ADAM17: variants seen among roughly 807,000 people sequenced by gnomAD.
ADAM17 encodes the protein ADAM metallopeptidase domain 17, also known as disintegrin and metalloproteinase domain-containing protein 17.
Under a neutral mutation model 96.7 loss-of-function variants are expected in ADAM17, and 39 were observed. The observed-to-expected ratio is 0.40, with a 90% CI of 0.31 to 0.53. The LOEUF is 0.53. Among genes scored for constraint, ADAM17 ranks in the 20% least tolerant of loss-of-function variants. The probability of loss-of-function intolerance (pLI) is 0.44; values close to 1 mark genes in which losing one functional copy is unlikely to be tolerated. For synonymous variants in ADAM17, 344 were observed against 359.2 expected (o/e 0.96, Z 0.48); for missense variants, 777 against 1,013.2 (o/e 0.77, Z 3.17).
At position 9,555,821 on chromosome 2, in the gene ADAM17, G is replaced by C. The variant is rs1051182236; in HGVS notation, c.-216C>G. ...CCAAAGGCCGGCTCAGCCAGCTTCCGGCCGCCGCTGTCCCCCGCACCACCC... is the reference window on the plus strand; with the variant it reads ...CCAAAGGCCGGCTCAGCCAGCTTCCCGCCGCCGCTGTCCCCCGCACCACCC... On this transcript the variant is annotated 5_prime_UTR_variant, in exon 1 of 19. Transcript: ENST00000310823. The C allele has an allele frequency of 9.3e-6, 4 of 432,208 alleles. No homozygotes were observed. Among genetic ancestry groups the C allele is most frequent in the Non-Finnish European group, 1.6e-5 (4 of 245,064 alleles). The allele number at this position is 432,208 out of a possible 1,614,324, so 26.8% of individuals were successfully genotyped here.
Position 9,502,279 on chromosome 2 carries a change from G to T in ADAM17, c.1545-3C>A. The T allele has an allele frequency of 6.2e-7, 1 of 1,607,516 alleles. No homozygotes were observed. Among genetic ancestry groups the T allele is most frequent in the Non-Finnish European group, 8.5e-7 (1 of 1,174,632 alleles). On this transcript the variant is annotated splice_region_variant and splice_polypyrimidine_tract_variant and intron_variant, in intron 12 of 18. Coordinates refer to ENST00000310823, the MANE Select transcript of ADAM17 (RefSeq NM_003183.6). ...TACAGCAAGGACTGTTCCTGTCACT[G>T]GAGAAGAACAGCAGACAGGAACAGA...
At chr2:9,510,208 T>A in intron 10 of ADAM17, 77 bp from the exon 11 acceptor site, 2 of 1,479,412 alleles carry the variant, frequency 1.4e-6, no homozygotes. Flanking sequence ...GCCTATGCTG[T>A]CTTAAATAGA....
chr2:9,532,760 A>G (rs1444820396), intron 4 of ADAM17, among the ~76,000 whole-genome samples: 1 of 150,388 alleles, frequency 6.6e-6, no homozygotes, highest in Non-Finnish European at 1.5e-5. Context: ...AGTGCTGATT[A>G]CAAGTGTGAG....
chr2:9,499,503 G>A (rs1260430586), intron 13 of ADAM17, among the ~76,000 whole-genome samples: 1 of 151,948 alleles, frequency 6.6e-6, no homozygotes, highest in African/African-American at 2.4e-5. Context: ...CCGGGTTCAC[G>A]CCATTCTCCT....
At chr2:9,492,510 CAT>C (rs1410077517) in intron 17 of ADAM17, among the ~76,000 whole-genome samples, 1 of 152,152 alleles carries the variant, frequency 6.6e-6, no homozygotes, top group East Asian at 1.9e-4. Context: ...CAATAATCTA[CAT>C]GATATATGGG....
At chr2:9,538,950 T>C (rs1665094904) in intron 2 of ADAM17, among the ~76,000 whole-genome samples, 1 of 152,230 alleles carries the variant, frequency 6.6e-6, no homozygotes, top group South Asian at 2.1e-4. Flanking sequence ...ATCACTTTCA[T>C]TTCTTTATCA....
chr2:9,529,498 T>A (rs370724732), intron 4 of ADAM17, among the ~76,000 whole-genome samples: 104 of 152,082 alleles, frequency 6.8e-4, no homozygotes, highest in African/African-American at 2.5e-3. Context: ...TGTTATGTAA[T>A]TCCATTTATA....
intron 5 of ADAM17, chr2:9,527,490 T>C (rs928396450): frequency 5.2e-6 from 1 of 192,470 alleles, no homozygotes; most frequent in Non-Finnish European, 1.1e-5. Context: ...TTCCACCATA[T>C]TATTTTATCA....
Position 9,542,568 on chromosome 2 carries a change from A to G in ADAM17, c.230+585T>C, listed in dbSNP as rs1665249864. Among the ~76,000 whole-genome samples, 6 of 152,360 alleles carry G rather than the reference A, an allele frequency of 3.9e-5. No individual in the cohort carries two copies. The South Asian group carries it at 1.2e-3, about 32-fold the overall frequency. Reference sequence around the variant, plus strand: ...TGATGGTTATAAAGTAGCACCAAAAACAAAAGGTTTTATAAGCATTCAATT... The same window carrying G: ...TGATGGTTATAAAGTAGCACCAAAAGCAAAAGGTTTTATAAGCATTCAATT... On this transcript the variant is annotated intron_variant, in intron 2 of 18. Coordinates refer to ENST00000310823, the MANE Select transcript of ADAM17 (RefSeq NM_003183.6).
chr2:9,555,419 C>G (rs962346655), intron 1 of ADAM17, 90 bp downstream of exon 1: 42 of 1,138,188 alleles, frequency 3.7e-5, no homozygotes, highest in Non-Finnish European at 4.4e-5. Context: ...AATACCCCGC[C>G]CCCAAACACC....
intron 11 of ADAM17, among the ~76,000 whole-genome samples, chr2:9,506,056 G>A (rs1294838505): frequency 6.6e-6 from 1 of 152,128 alleles, no homozygotes; most frequent in Non-Finnish European, 1.5e-5. Flanking sequence ...TTTATCAGGA[G>A]CTCTAAAACT....
At position 9,491,423 on chromosome 2, in the gene ADAM17, T is replaced by C. The variant is rs1199110144; in HGVS notation, c.2083-272A>G. Among the ~76,000 whole-genome samples the C allele has an allele frequency of 4.6e-5, 7 of 152,350 alleles. No individual in the cohort carries two copies. The South Asian group carries it at 1.2e-3, about 27-fold the overall frequency. The stretch of plus-strand genomic sequence containing the variant: ...TAAGTGCTATGTTTTCTGAGAAATT[T>C]ATCCCTCTGTGGGCAGGGGAATAAT... On this transcript the variant is annotated intron_variant, in intron 17 of 18. Coordinates refer to ENST00000310823, the MANE Select transcript of ADAM17 (RefSeq NM_003183.6).
rs545409317 is a variant in ADAM17 at position 9,513,120 on chromosome 2, G to A, written c.1192-2989C>T. ...AGCACTTCTCCTGCCTCAGCCTCCC[G>A]AGTGGCTGAGATTATAGGCATGCAC... is the stretch of plus-strand genomic sequence containing the variant. On this transcript the variant is annotated intron_variant, in intron 10 of 18. Transcript: ENST00000310823. Among the ~76,000 whole-genome samples the A allele has an allele frequency of 1.4e-4, 21 of 151,856 alleles. 1 individual carries two copies. The South Asian group carries it at 2.3e-3, about 17-fold the overall frequency.
chr2:9,544,024 C>T (rs1305909172), intron 1 of ADAM17, among the ~76,000 whole-genome samples: 1 of 152,078 alleles, frequency 6.6e-6, no homozygotes. Context: ...CCAAAAAACA[C>T]ATATCACTAA....
At chr2:9,511,044 T>G (rs1261680781) in intron 10 of ADAM17, among the ~76,000 whole-genome samples, 1 of 152,144 alleles carries the variant, frequency 6.6e-6, no homozygotes, top group African/African-American at 2.4e-5. Flanking sequence ...ATAAATGCAA[T>G]AAGCTAACTG....
rs77589201 is a variant in ADAM17, at chr2:9,493,643, C to A, written c.1993+104G>T. The stretch of plus-strand genomic sequence containing the variant: ...TAACTAAAGCTGTGAATAGTTCCAC[C>A]TTCTACTGCAGAATTAAAGCACATC... On this transcript the variant is annotated intron_variant, in intron 16 of 18. Coordinates refer to ENST00000310823, the MANE Select transcript of ADAM17 (RefSeq NM_003183.6). 428 of 947,572 alleles carry A rather than the reference C, an allele frequency of 4.5e-4. 1 individual carries two copies. The African/African-American group carries it at 6.3e-3, about 14-fold the overall frequency. The allele number at this position is 947,572 out of a possible 1,614,324, so 58.7% of individuals were successfully genotyped here.
At chr2:9,517,354 C>A (rs1450109172) in intron 10 of ADAM17, among the ~76,000 whole-genome samples, 1 of 152,042 alleles carries the variant, frequency 6.6e-6, no homozygotes, top group Non-Finnish European at 1.5e-5. Context: ...TCTTTAGAAG[C>A]AACATGCACA....
At chr2:9,537,941 GGGGAA>G (rs1665042152) in intron 2 of ADAM17, among the ~76,000 whole-genome samples, 1 of 31,696 alleles carries the variant, frequency 3.2e-5, no homozygotes, top group Non-Finnish European at 6.7e-5. Flanking sequence ...GGGGAGGAGA[GGGGAA>G]GGGGAGGGGG....
chr2:9,490,564 T>G, intron 18 of ADAM17, 46 bp from the exon 19 acceptor site: 1 of 1,531,876 alleles, frequency 6.5e-7, no homozygotes, highest in Non-Finnish European at 8.8e-7. Context: ...AAAAGATGAA[T>G]CGGAGGTCCT....
Sources: allele counts gnomAD v4.1 joint callset (sites outside exome capture counted in the v4.1 genomes callset), GRCh38; gene constraint gnomAD v4.1.1; transcripts MANE v1.5; gene names NCBI Gene and HGNC (gene_info 2026-07-23, HGNC 2026-07-21).